PPIF: variants seen among roughly 807,000 people sequenced by gnomAD.
PPIF encodes the protein peptidyl-prolyl cis-trans isomerase F, mitochondrial.
A neutral mutation model predicts 20.2 loss-of-function variants in PPIF; 23 were observed. The ratio of observed to expected loss-of-function variants is 1.14; its 90% confidence interval spans 0.82 to 1.61. The LOEUF (loss-of-function observed/expected upper bound fraction) is 1.61, where lower values mean the gene tolerates loss of function less well. Among genes scored for constraint, PPIF ranks in the 40% most tolerant of loss-of-function variants. The pLI is 0.00. For missense variants in PPIF, 287 were observed against 291.6 expected, an observed-to-expected ratio of 0.98 and a Z score of 0.11; for synonymous variants, 113 against 123.1, an observed-to-expected ratio of 0.92 and a Z score of 0.54.
Position 79,352,354 on chromosome 10 carries a change from C to G in PPIF, c.450C>G (p.Asn150Lys). 2 of 1,614,172 alleles carry G rather than the reference C, an allele frequency of 1.2e-6. No homozygotes were observed. The highest frequency in any genetic ancestry group is 1.7e-6 in the Non-Finnish European group (2 of 1,180,010). Residue 150 changes from asparagine to lysine, a missense_variant, in exon 5 of 6, where the codon AAC becomes AAG. Coordinates refer to ENST00000225174, the MANE Select transcript of PPIF (RefSeq NM_005729.4). The stretch of plus-strand genomic sequence containing the variant: ...TGGCTAATGCTGGTCCTAACACCAA[C>G]GGCTCCCAGTTCTTCATCTGCACCA... ...LSMANAGPNTNGSQFFICTIK... is the reference protein window; with the variant it reads ...LSMANAGPNTKGSQFFICTIK...
chr10:79,348,476 C>T (rs1298301423), intron 1 of PPIF, among the ~76,000 whole-genome samples: 2 of 152,186 alleles, frequency 1.3e-5, no homozygotes, highest in Non-Finnish European at 2.9e-5. Context: ...GCCTTCAGGT[C>T]GGCCACACAT....
rs1856035789 is a variant in PPIF at position 79,355,313 on chromosome 10, A to G, written c.*1471A>G. On this transcript the variant is annotated 3_prime_UTR_variant, in exon 6 of 6. Coordinates refer to ENST00000225174, the MANE Select transcript of PPIF (RefSeq NM_005729.4). ...GTACATCCTGCAGAACCATAAGCCA[A>G]TTAAACCTTTTTAATAATAAATTAC... 1 of 152,210 alleles carries G rather than the reference A, an allele frequency of 6.6e-6. No individual in the cohort carries two copies. Among genetic ancestry groups the G allele is most frequent in the Non-Finnish European group, 1.5e-5 (1 of 68,036 alleles). 9.4% of individuals were successfully genotyped at this position (152,210 alleles called of 1,614,324 possible).
chr10:79,351,652 C>G, intron 4 of PPIF, 69 bp downstream of exon 4: 1 of 1,428,670 alleles, frequency 7.0e-7, no homozygotes, highest in Non-Finnish European at 9.8e-7. Context: ...CCCAGCAGGC[C>G]CTGAGAGGCC....
At position 79,354,279 on chromosome 10, in the gene PPIF, G is replaced by T. The variant is rs1397810996; in HGVS notation, c.*437G>T. ...ATTTAATTAACAAGATTGACTAGAA[G>T]TGAAACTGCAACACTAACTTCCCCG... On this transcript the variant is annotated 3_prime_UTR_variant, in exon 6 of 6. Coordinates refer to ENST00000225174, the MANE Select transcript of PPIF (RefSeq NM_005729.4). 1.7e-5 allele frequency: 3 copies of T among 174,618 alleles called. No homozygotes were observed. The highest frequency in any genetic ancestry group is 1.2e-4 in the South Asian group (1 of 8,234). 10.8% of individuals were successfully genotyped at this position (174,618 alleles called of 1,614,324 possible).
At position 79,347,646 on chromosome 10, in the gene PPIF, G is replaced by A. The variant is rs756817544; in HGVS notation, c.98G>A (p.Gly33Asp). The part of the protein sequence containing the change: ...RLPAARACSK[G>D]SGDPSSSSSS... ...CCCGCGGCCCGCGCCTGCAGCAAGGGCTCCGGCGACCCGTCCTCTTCCTCC... is the reference window on the plus strand; with the variant it reads ...CCCGCGGCCCGCGCCTGCAGCAAGGACTCCGGCGACCCGTCCTCTTCCTCC... The change falls in exon 1 of 6, where the codon GGC becomes GAC. Residue 33 changes from glycine (G) to aspartate (D), a missense_variant. By Grantham distance (94) the Gly-to-Asp change is moderately conservative. Coordinates refer to ENST00000225174, the MANE Select transcript of PPIF (RefSeq NM_005729.4). 2 of 1,462,848 alleles carry A rather than the reference G, an allele frequency of 1.4e-6. No individual in the cohort carries two copies. The highest frequency in any genetic ancestry group is 3.0e-5 in the East Asian group (1 of 32,956). The allele number at this position is 1,462,848 out of a possible 1,614,324, so 90.6% of individuals were successfully genotyped here. A position where few individuals can be genotyped will look rare whatever the true frequency, so the allele number is the denominator to read the frequency against.
chr10:79,349,944 A>G (rs1445666872), intron 3 of PPIF, 191 bp downstream of exon 3: 1 of 1,291,270 alleles, frequency 7.7e-7, no homozygotes, highest in East Asian at 2.6e-5. Context: ...ACCCGCTGCC[A>G]CTCCAGGTCA....
rs1346369050 is a variant in PPIF, at chr10:79,354,829, C to T, written c.*987C>T. On this transcript the variant is annotated 3_prime_UTR_variant, in exon 6 of 6. Coordinates refer to ENST00000225174, the MANE Select transcript of PPIF (RefSeq NM_005729.4). Reference sequence around the variant, plus strand: ...GTTCATGTGGATGGTTTCATGTCATCGTGCTGGCAACTTGTCCTCCCTGCC... The same window carrying T: ...GTTCATGTGGATGGTTTCATGTCATTGTGCTGGCAACTTGTCCTCCCTGCC... The T allele has an allele frequency of 7.2e-5, 11 of 152,464 alleles. No homozygotes were observed. Among genetic ancestry groups the T allele is most frequent in the Admixed American group, 6.6e-5 (1 of 15,266 alleles). 9.4% of individuals were successfully genotyped at this position (152,464 alleles called of 1,614,324 possible).
In PPIF at chr10:79,353,972, A is replaced by G. The variant is rs1220319637; in HGVS notation, c.*130A>G. The G allele has an allele frequency of 1.0e-5, 11 of 1,082,446 alleles. No homozygotes were observed. Among genetic ancestry groups the G allele is most frequent in the Non-Finnish European group, 1.5e-5 (11 of 751,400 alleles). The allele number at this position is 1,082,446 out of a possible 1,614,324, so 67.1% of individuals were successfully genotyped here. A position where few individuals can be genotyped will look rare whatever the true frequency, so the allele number is the denominator to read the frequency against. ...TCCACTGTCACAGTGTGCCTGAGGA[A>G]GGCTGCTAGGGATGTTAGACCTCGG... On this transcript the variant is annotated 3_prime_UTR_variant, in exon 6 of 6. Transcript: ENST00000225174.
chr10:79,350,336 G>C (rs572156176), intron 3 of PPIF, among the ~76,000 whole-genome samples: 1 of 152,338 alleles, frequency 6.6e-6, no homozygotes, highest in South Asian at 2.1e-4. Context: ...CTTCCTGTGG[G>C]TCAGGACCCA....
chr10:79,353,939 G>T lies in PPIF; in HGVS notation c.*97G>T. On this transcript the variant is annotated 3_prime_UTR_variant, in exon 6 of 6. Coordinates refer to ENST00000225174, the MANE Select transcript of PPIF (RefSeq NM_005729.4). ...AGCCAAGGTGCCTGAAACGATACGT[G>T]TGCCCACTCCACTGTCACAGTGTGC... is the stretch of plus-strand genomic sequence containing the variant. The T allele has an allele frequency of 7.5e-7, 1 of 1,334,052 alleles. No homozygotes were observed. The highest frequency in any genetic ancestry group is 1.4e-5 in the African/African-American group (1 of 69,446). The allele number at this position is 1,334,052 out of a possible 1,614,324, so 82.6% of individuals were successfully genotyped here. A position where few individuals can be genotyped will look rare whatever the true frequency, so the allele number is the denominator to read the frequency against.
At chr10:79,351,814 C>T (rs551568077) in intron 4 of PPIF, 4 of 497,258 alleles carry the variant, frequency 8.0e-6, no homozygotes, top group Admixed American at 7.5e-5. Flanking sequence ...TGTGGAAGAA[C>T]CTTTAAGCAG....
rs547057707 is a variant in PPIF at position 79,349,485 on chromosome 10, G to A, written c.227-180G>A. ...TCACAGTGCTCAGGTACTGAGGACA[G>A]GGAAGGGGAGTGACTTGTCCAGTTA... On this transcript the variant is annotated intron_variant, in intron 2 of 5. Coordinates refer to ENST00000225174, the MANE Select transcript of PPIF (RefSeq NM_005729.4). 6.6e-5 allele frequency among the ~76,000 whole-genome samples: 10 copies of A among 152,408 alleles called. No homozygotes were observed. In the South Asian group the frequency reaches 2.1e-3, roughly 32 times the overall value.
chr10:79,353,800 A>G lies in PPIF; in HGVS notation c.582A>G (p.Thr194=), dbSNP rs775903717. Reference sequence around the variant, plus strand: ...CTTTCGGCTCTAAGAGTGGGAGGACATCCAAGAAGATTGTCATCACAGACT... The same window carrying G: ...CTTTCGGCTCTAAGAGTGGGAGGACGTCCAAGAAGATTGTCATCACAGACT... The part of the protein sequence containing the change: ...IESFGSKSGR[T]SKKIVITDCG... Residue 194 remains threonine, a synonymous_variant, in exon 6 of 6, where the codon ACA becomes ACG. Coordinates refer to ENST00000225174, the MANE Select transcript of PPIF (RefSeq NM_005729.4). 13 of 1,614,262 alleles carry G rather than the reference A, an allele frequency of 8.1e-6. No individual in the cohort carries two copies. The Admixed American group carries it at 2.0e-4, about 25-fold the overall frequency.
rs1224206771 is a variant in PPIF at position 79,351,402 on chromosome 10, G to T, written c.316-85G>T. The T allele has an allele frequency of 6.0e-6, 8 of 1,329,364 alleles. No homozygotes were observed. The Admixed American group carries it at 7.5e-5, about 12-fold the overall frequency. 82.3% of individuals were successfully genotyped at this position (1,329,364 alleles called of 1,614,324 possible). Reference sequence around the variant, plus strand: ...GAGGGGCGCCAACTGGGTGGGCTTGGGTGGGCTGAGGCTGCTGCCAGCGCC... The same window carrying T: ...GAGGGGCGCCAACTGGGTGGGCTTGTGTGGGCTGAGGCTGCTGCCAGCGCC... On this transcript the variant is annotated intron_variant, in intron 3 of 5. Transcript: ENST00000225174.
Position 79,347,671 on chromosome 10 carries a change from C to A in PPIF, c.123C>A (p.Ser41=). The A allele has an allele frequency of 6.8e-7, 1 of 1,476,900 alleles. No homozygotes were observed. 91.5% of individuals were successfully genotyped at this position (1,476,900 alleles called of 1,614,324 possible). A position where few individuals can be genotyped will look rare whatever the true frequency, so the allele number is the denominator to read the frequency against. The change falls in exon 1 of 6, where the codon TCC becomes TCA. Residue 41 remains serine, a synonymous_variant. Transcript: ENST00000225174. ...GCTCCGGCGACCCGTCCTCTTCCTC[C>A]TCCTCCGGGAACCCGCTCGTGTACC... ...SKGSGDPSSS[S]SSGNPLVYLD... is the part of the protein sequence containing the mutation.
At chr10:79,353,536 T>C in intron 5 of PPIF, 171 bp from the exon 6 acceptor site, 1 of 1,113,314 alleles carries the variant, frequency 9.0e-7, no homozygotes, top group Non-Finnish European at 1.3e-6. Context: ...TCCTCTGGGG[T>C]GTATTTGGGG....
Position 79,347,651 on chromosome 10 carries a change from G to T in PPIF, c.103G>T (p.Gly35Cys). Residue 35 changes from glycine (G) to cysteine (C), a missense_variant, in exon 1 of 6, where the codon GGC (glycine) becomes TGC (cysteine). Transcript: ENST00000225174. ...GGCCCGCGCCTGCAGCAAGGGCTCC[G>T]GCGACCCGTCCTCTTCCTCCTCCTC... ...PAARACSKGS[G>C]DPSSSSSSGN... 2 of 1,464,828 alleles carry T rather than the reference G, an allele frequency of 1.4e-6. No homozygotes were observed. The highest frequency in any genetic ancestry group is 3.0e-5 in the East Asian group (1 of 33,136). The allele number at this position is 1,464,828 out of a possible 1,614,324, so 90.7% of individuals were successfully genotyped here.
At chr10:79,348,527 A>G (rs1318014694) in intron 1 of PPIF, among the ~76,000 whole-genome samples, 2 of 152,166 alleles carry the variant, frequency 1.3e-5, no homozygotes, top group Non-Finnish European at 2.9e-5. Context: ...CCCGTATCCC[A>G]GGGAGCCCTT....
At position 79,353,953 on chromosome 10, in the gene PPIF, G is replaced by A. The variant is rs1856016382; in HGVS notation, c.*111G>A. The A allele has an allele frequency of 2.4e-6, 3 of 1,234,252 alleles. No homozygotes were observed. The South Asian group carries it at 4.3e-5, about 18-fold the overall frequency. The allele number at this position is 1,234,252 out of a possible 1,614,324, so 76.5% of individuals were successfully genotyped here. On this transcript the variant is annotated 3_prime_UTR_variant, in exon 6 of 6. Transcript: ENST00000225174. ...AAACGATACGTGTGCCCACTCCACTGTCACAGTGTGCCTGAGGAAGGCTGC... is the reference window on the plus strand; with the variant it reads ...AAACGATACGTGTGCCCACTCCACTATCACAGTGTGCCTGAGGAAGGCTGC...
Sources: allele counts gnomAD v4.1 joint callset (sites outside exome capture counted in the v4.1 genomes callset), GRCh38; gene constraint gnomAD v4.1.1; transcripts MANE v1.5; gene names NCBI Gene and HGNC (gene_info 2026-07-23, HGNC 2026-07-21).